The following TAFA4 variants were observed in gnomAD, a reference collection of about 807,000 sequenced individuals.
The protein encoded by TAFA4 is TAFA chemokine like family member 4.
Under a neutral mutation model 21.1 loss-of-function variants are expected in TAFA4, and 20 were observed. The observed-to-expected ratio is 0.95, with a 90% CI of 0.67 to 1.38. The LOEUF is 1.38. Ranked by LOEUF, TAFA4 falls within the 40% of genes most tolerant of loss-of-function variation. The probability of loss-of-function intolerance (pLI) is 0.00; values close to 1 mark genes in which losing one functional copy is unlikely to be tolerated. For missense variants in TAFA4, 211 were observed against 180.9 expected, an observed-to-expected ratio of 1.17 and a Z score of -0.95; for synonymous variants, 71 against 67.4, an observed-to-expected ratio of 1.05 and a Z score of -0.26.
intron 3 of TAFA4, among the ~76,000 whole-genome samples, chr3:68,840,877 T>C (rs1431944902): frequency 5.3e-5 from 8 of 152,346 alleles, no homozygotes; most frequent in Admixed American, 4.6e-4. Flanking sequence ...CTTCAGCTAC[T>C]ATTATTTTCT....
chr3:68,779,566 G>A (rs1389959315), intron 3 of TAFA4, among the ~76,000 whole-genome samples: 1 of 152,104 alleles, frequency 6.6e-6, no homozygotes, highest in Non-Finnish European at 1.5e-5. Context: ...TGACTCAAGG[G>A]GCCAAAGTAC....
intron 3 of TAFA4, among the ~76,000 whole-genome samples, chr3:68,880,177 C>T (rs2089599797): frequency 6.6e-6 from 1 of 151,862 alleles, no homozygotes; most frequent in Admixed American, 6.6e-5. Context: ...AGAATGACTG[C>T]CTCTAAATCT....
At chr3:68,810,128 A>G (rs905204831) in intron 3 of TAFA4, among the ~76,000 whole-genome samples, 2 of 152,186 alleles carry the variant, frequency 1.3e-5, no homozygotes, top group Admixed American at 6.5e-5. Flanking sequence ...TTGGAATTTG[A>G]TAAGGAATGC....
At chr3:68,905,080 C>G (rs564449824) in intron 1 of TAFA4, among the ~76,000 whole-genome samples, 13 of 152,110 alleles carry the variant, frequency 8.5e-5, no homozygotes, top group African/African-American at 3.1e-4. Context: ...TTTTTGAGCC[C>G]CAACTATGTG....
intron 1 of TAFA4, among the ~76,000 whole-genome samples, chr3:68,908,383 C>T (rs917275188): frequency 2.6e-5 from 4 of 152,078 alleles, no homozygotes; most frequent in African/African-American, 7.2e-5. Context: ...TGGGAAGCCA[C>T]GAGGCTCTAT....
chr3:68,858,659 A>G (rs1159135287), intron 3 of TAFA4, among the ~76,000 whole-genome samples: 1 of 151,804 alleles, frequency 6.6e-6, no homozygotes, highest in Non-Finnish European at 1.5e-5. Flanking sequence ...TTCTACACAT[A>G]AAAATGTAGG....
chr3:68,778,731 G>A (rs1703096222), intron 3 of TAFA4, among the ~76,000 whole-genome samples: 1 of 152,214 alleles, frequency 6.6e-6, no homozygotes, highest in African/African-American at 2.4e-5. Context: ...CCCCAGCCAC[G>A]TGGAACTGTA....
chr3:68,817,143 G>A lies in TAFA4; in HGVS notation c.130+63587C>T, dbSNP rs529718714. Reference sequence around the variant, plus strand: ...TGAAGTCAATTCTCTCAAACCCTGCGTTTTATCAAATAAATTTATGTAATA... The same window carrying A: ...TGAAGTCAATTCTCTCAAACCCTGCATTTTATCAAATAAATTTATGTAATA... On this transcript the variant is annotated intron_variant, in intron 3 of 5. Transcript: ENST00000295569. 1.9e-4 allele frequency among the ~76,000 whole-genome samples: 29 copies of A among 152,226 alleles called. No individual in the cohort carries two copies. The South Asian group carries it at 3.1e-3, about 16-fold the overall frequency.
intron 3 of TAFA4, among the ~76,000 whole-genome samples, chr3:68,796,450 T>C (rs1195796017): frequency 1.3e-5 from 2 of 152,138 alleles, no homozygotes; most frequent in Non-Finnish European, 2.9e-5. Context: ...CAAAAGAATG[T>C]GGCAGGGTTG....
intron 1 of TAFA4, among the ~76,000 whole-genome samples, chr3:68,928,506 T>C (rs1400300587): frequency 1.3e-5 from 2 of 152,222 alleles, no homozygotes; most frequent in East Asian, 1.9e-4. Context: ...CTAACATCCA[T>C]GTCTTTCCAT....
At position 68,911,511 on chromosome 3, in the gene TAFA4, TGA is replaced by T. The variant is rs201790728; in HGVS notation, c.-123+20727_-123+20728del. ...AACTCAGATAGAGAAACAGAAGCTGTGAGAGAGGTTAAATGATTTGCTCAAGG... is the reference window on the plus strand; with the variant it reads ...AACTCAGATAGAGAAACAGAAGCTGTGAGAGGTTAAATGATTTGCTCAAGG... On this transcript the variant is annotated intron_variant, in intron 1 of 5. Transcript: ENST00000295569. Among the ~76,000 whole-genome samples, 247 of 152,240 alleles carry T rather than the reference TGA, an allele frequency of 1.6e-3. 2 individuals are homozygous for T. In the East Asian group the frequency reaches 0.036, roughly 22 times the overall value.
At chr3:68,753,069 G>T (rs1414256943) in intron 3 of TAFA4, 51 bp from the exon 4 acceptor site, 1 of 1,570,854 alleles carries the variant, frequency 6.4e-7, no homozygotes, top group Admixed American at 1.7e-5. Flanking sequence ...AGAAGGAAAT[G>T]ACACCACCAA....
chr3:68,866,036 A>C (rs1178119352), intron 3 of TAFA4, among the ~76,000 whole-genome samples: 1 of 152,130 alleles, frequency 6.6e-6, no homozygotes, highest in African/African-American at 2.4e-5. Context: ...CAGGGAAACT[A>C]TTCCTGCTTC....
chr3:68,746,904 T>C (rs1702469011), intron 4 of TAFA4, among the ~76,000 whole-genome samples: 1 of 152,244 alleles, frequency 6.6e-6, no homozygotes, highest in Non-Finnish European at 1.5e-5. Context: ...TAATTCTTTA[T>C]CGTGGCGGTC....
At chr3:68,926,770 G>C (rs2090111205) in intron 1 of TAFA4, among the ~76,000 whole-genome samples, 4 of 152,084 alleles carry the variant, frequency 2.6e-5, no homozygotes, top group African/African-American at 9.7e-5. Flanking sequence ...GATTAGCCAG[G>C]CATGGTGACA....
At chr3:68,807,270 G>C (rs1012423681) in intron 3 of TAFA4, among the ~76,000 whole-genome samples, 1 of 152,262 alleles carries the variant, frequency 6.6e-6, no homozygotes, top group Non-Finnish European at 1.5e-5. Flanking sequence ...ATTATCAAAA[G>C]ACAAAGGCAA....
At chr3:68,774,177 C>A (rs1703008292) in intron 3 of TAFA4, among the ~76,000 whole-genome samples, 1 of 152,094 alleles carries the variant, frequency 6.6e-6, no homozygotes, top group Non-Finnish European at 1.5e-5. Flanking sequence ...GTAGTTTACT[C>A]CTGGAAATAC....
At chr3:68,841,601 G>A (rs1206508137) in intron 3 of TAFA4, among the ~76,000 whole-genome samples, 1 of 151,858 alleles carries the variant, frequency 6.6e-6, no homozygotes, top group Non-Finnish European at 1.5e-5. Flanking sequence ...ATGCATGTGC[G>A]ATCTGTTACA....
intron 3 of TAFA4, among the ~76,000 whole-genome samples, chr3:68,875,374 G>C (rs2089534715): frequency 6.6e-6 from 1 of 152,212 alleles, no homozygotes; most frequent in South Asian, 2.1e-4. Flanking sequence ...TGGGCCCTCT[G>C]TGTTTTTCGT....
Sources: allele counts gnomAD v4.1 joint callset (sites outside exome capture counted in the v4.1 genomes callset), GRCh38; gene constraint gnomAD v4.1.1; transcripts MANE v1.5; gene names NCBI Gene and HGNC (gene_info 2026-07-23, HGNC 2026-07-21).